The following NDUFS4 variants were observed in gnomAD, a reference collection of about 807,000 sequenced individuals.
The protein encoded by NDUFS4 is NADH:ubiquinone oxidoreductase subunit S4, also known as NADH dehydrogenase [ubiquinone] iron-sulfur protein 4, mitochondrial.
In NDUFS4, 28 loss-of-function variants were observed where a neutral mutation model predicts 24.3. The ratio of observed to expected loss-of-function variants is 1.15; its 90% CI spans 0.85 to 1.58. The LOEUF (loss-of-function observed/expected upper bound fraction) is 1.58. Among genes scored for constraint, NDUFS4 ranks in the 40% most tolerant of loss-of-function variants. NDUFS4 has a pLI of 0.00. For missense variants in NDUFS4, 223 were observed against 207.9 expected, an observed-to-expected ratio of 1.07 and a Z score of -0.45; for synonymous variants, 93 against 69.7, an observed-to-expected ratio of 1.34 and a Z score of -1.67.
At chr5:53,661,380 A>G (rs1435167255) in intron 4 of NDUFS4, among the ~76,000 whole-genome samples, 1 of 152,218 alleles carries the variant, frequency 6.6e-6, no homozygotes, top group Non-Finnish European at 1.5e-5. Context: ...TGGTACCAGT[A>G]CCATGCTATT....
chr5:53,571,347 A>G (rs1170345778), intron 1 of NDUFS4, among the ~76,000 whole-genome samples: 1 of 152,238 alleles, frequency 6.6e-6, no homozygotes, highest in Non-Finnish European at 1.5e-5. Flanking sequence ...TTCAAGGTTT[A>G]TCCAAGTTGT....
intron 1 of NDUFS4, among the ~76,000 whole-genome samples, chr5:53,572,225 C>G (rs1414299484): frequency 6.6e-6 from 1 of 152,156 alleles, no homozygotes; most frequent in Non-Finnish European, 1.5e-5. Context: ...TCTGACTGAC[C>G]ATTTGTCTTC....
chr5:53,666,792 G>C (rs1752526572), intron 4 of NDUFS4, among the ~76,000 whole-genome samples: 1 of 151,998 alleles, frequency 6.6e-6, no homozygotes, highest in African/African-American at 2.4e-5. Flanking sequence ...AAATTAGCTG[G>C]ATGTGGTGGT....
At chr5:53,580,659 TTC>T (rs912418664) in intron 1 of NDUFS4, among the ~76,000 whole-genome samples, 5 of 146,878 alleles carry the variant, frequency 3.4e-5, no homozygotes, top group South Asian at 2.2e-4. Context: ...CTTTCTTTCT[TTC>T]TCTCTCTTTC....
At chr5:53,658,649 A>AGTCAAG (rs769033371) in intron 4 of NDUFS4, 25 bp downstream of exon 4, 46 of 1,573,936 alleles carry the variant, frequency 2.9e-5, no homozygotes, top group Middle Eastern at 1.7e-4. Flanking sequence ...TTTTTGACAA[A>AGTCAAG]GTCAAGATAA....
At chr5:53,658,784 CAAAAAAAA>C (rs35754713) in intron 4 of NDUFS4, 160 bp downstream of exon 4, 13 of 138,396 alleles carry the variant, frequency 9.4e-5, no homozygotes, top group African/African-American at 2.8e-4. Context: ...CACCCACCTC[CAAAAAAAA>C]AAAAAAAAAA....
chr5:53,658,745 A>C (rs1752235282), intron 4 of NDUFS4, 121 bp downstream of exon 4: 1 of 603,586 alleles, frequency 1.7e-6, no homozygotes, highest in Middle Eastern at 5.0e-4. Context: ...TATCTAATCC[A>C]GTGGTTTCAG....
At chr5:53,653,781 C>G (rs1018081507) in intron 3 of NDUFS4, among the ~76,000 whole-genome samples, 1 of 151,924 alleles carries the variant, frequency 6.6e-6, no homozygotes, top group Non-Finnish European at 1.5e-5. Flanking sequence ...TCATGATTTT[C>G]TTAGTATAAG....
intron 2 of NDUFS4, among the ~76,000 whole-genome samples, chr5:53,641,121 C>CT (rs1561380907): frequency 2.6e-5 from 4 of 152,120 alleles, no homozygotes; most frequent in Admixed American, 2.6e-4. Flanking sequence ...GAGAAACATT[C>CT]TTTTTGTTGC....
intron 4 of NDUFS4, among the ~76,000 whole-genome samples, chr5:53,674,366 G>T (rs928806247): frequency 1.3e-4 from 20 of 152,170 alleles, no homozygotes; most frequent in African/African-American, 4.6e-4. Flanking sequence ...GAAGGCCAGA[G>T]AATTATTTTA....
intron 2 of NDUFS4, among the ~76,000 whole-genome samples, chr5:53,614,768 T>C (rs149346161): frequency 6.6e-6 from 1 of 151,938 alleles, no homozygotes; most frequent in Admixed American, 6.6e-5. Context: ...GTATGGAAAT[T>C]GTGTATCGTA....
chr5:53,652,432 TC>T (rs138041592), intron 3 of NDUFS4, among the ~76,000 whole-genome samples: 24,331 of 152,116 alleles, frequency 0.16, 1,938 homozygotes, highest in Middle Eastern at 0.18. Context: ...AAATTTGAAA[TC>T]TTAAATGTTT....
rs1324229084 is a variant in NDUFS4, at chr5:53,606,596, C to G, written c.177+3066C>G. Among the ~76,000 whole-genome samples the G allele has an allele frequency of 5.3e-5, 8 of 152,174 alleles. No homozygotes were observed. In the East Asian group the frequency reaches 1.5e-3, roughly 29 times the overall value. On this transcript the variant is annotated intron_variant, in intron 2 of 4. Transcript: ENST00000296684. ...GCCAGGCTGGCCTCAAACTCCTGACCTCAGGTAATCCACCTGCCTCGGCCT... is the reference window on the plus strand; with the variant it reads ...GCCAGGCTGGCCTCAAACTCCTGACGTCAGGTAATCCACCTGCCTCGGCCT...
At chr5:53,638,939 CATGAG>C (rs1412314959) in intron 2 of NDUFS4, among the ~76,000 whole-genome samples, 1 of 152,042 alleles carries the variant, frequency 6.6e-6, no homozygotes, top group Non-Finnish European at 1.5e-5. Flanking sequence ...TCTTTGACCA[CATGAG>C]ATAAGATTTT....
intron 4 of NDUFS4, among the ~76,000 whole-genome samples, chr5:53,677,918 G>A (rs1395794898): frequency 2.0e-5 from 3 of 152,306 alleles, no homozygotes; most frequent in South Asian, 2.1e-4. Context: ...TTCACAGAAC[G>A]TCAATCAAGG....
At chr5:53,656,953 G>C (rs1211027766) in intron 3 of NDUFS4, among the ~76,000 whole-genome samples, 1 of 152,160 alleles carries the variant, frequency 6.6e-6, no homozygotes, top group Non-Finnish European at 1.5e-5. Flanking sequence ...TGAATGGCTG[G>C]AAGAATAGTG....
chr5:53,578,484 G>T (rs1257428134), intron 1 of NDUFS4, among the ~76,000 whole-genome samples: 2 of 152,046 alleles, frequency 1.3e-5, no homozygotes. Flanking sequence ...TACTCTATTG[G>T]ACCCGTCATG....
chr5:53,675,444 G>A (rs1004349229), intron 4 of NDUFS4, among the ~76,000 whole-genome samples: 1 of 152,030 alleles, frequency 6.6e-6, no homozygotes, highest in Non-Finnish European at 1.5e-5. Context: ...TTACAGGCGT[G>A]AGCCACCACG....
intron 1 of NDUFS4, among the ~76,000 whole-genome samples, chr5:53,572,140 A>G (rs896897910): frequency 6.6e-5 from 10 of 152,234 alleles, no homozygotes; most frequent in Non-Finnish European, 1.2e-4. Flanking sequence ...AGGGAGAAAT[A>G]TGATAGAACA....
Sources: gnomAD v4.1 joint callset for allele counts (sites outside exome capture counted in the v4.1 genomes callset) on GRCh38, gnomAD v4.1.1 for gene constraint, MANE v1.5 for transcripts, NCBI Gene and HGNC (gene_info 2026-07-23, HGNC 2026-07-21) for gene names.